Variants in PLCXD3 observed in about 807,000 individuals in gnomAD.
PLCXD3 encodes the protein PI-PLC X domain-containing protein 3.
In PLCXD3, 19 loss-of-function variants were observed where a neutral mutation model predicts 25.5. That is an observed-to-expected ratio of 0.75 (90% CI 0.52 to 1.09). The LOEUF is 1.09. Among genes scored for constraint, PLCXD3 ranks in the 50% least tolerant of loss-of-function variants. The probability of loss-of-function intolerance (pLI) is 0.00; values close to 1 mark genes in which losing one functional copy is unlikely to be tolerated. For synonymous variants in PLCXD3, 174 were observed against 137.6 expected (o/e 1.26, Z -1.85); for missense variants, 411 against 388.1 (o/e 1.06, Z -0.50).
intron 1 of PLCXD3, among the ~76,000 whole-genome samples, chr5:41,489,630 T>C (rs1228395640): frequency 1.3e-5 from 2 of 151,742 alleles, no homozygotes; most frequent in Admixed American, 6.6e-5. Context: ...TAGTTCTCCT[T>C]GAAGAGGTCC....
intron 1 of PLCXD3, among the ~76,000 whole-genome samples, chr5:41,450,753 G>T (rs1384403336): frequency 6.6e-6 from 1 of 152,052 alleles, no homozygotes; most frequent in Non-Finnish European, 1.5e-5. Flanking sequence ...CCACCTGCAG[G>T]TCCTTCTCCA....
At chr5:41,481,641 T>G (rs1206276746) in intron 1 of PLCXD3, among the ~76,000 whole-genome samples, 1 of 152,096 alleles carries the variant, frequency 6.6e-6, no homozygotes, top group African/African-American at 2.4e-5. Flanking sequence ...AAATGGAAGG[T>G]GCAAGTAAAT....
chr5:41,392,950 A>G (rs999451679), intron 1 of PLCXD3, among the ~76,000 whole-genome samples: 1 of 152,214 alleles, frequency 6.6e-6, no homozygotes, highest in African/African-American at 2.4e-5. Flanking sequence ...ATCCTTTAAT[A>G]AAAGAATTAA....
chr5:41,381,921 C>A lies in PLCXD3; in HGVS notation c.717G>T (p.Lys239Asn), dbSNP rs754042858. 1 of 1,613,370 alleles carries A rather than the reference C, an allele frequency of 6.2e-7. No individual in the cohort carries two copies. Among genetic ancestry groups the A allele is most frequent in the Non-Finnish European group, 8.5e-7 (1 of 1,179,676 alleles). The change falls in exon 2 of 3, where the codon AAG (lysine) becomes AAT (asparagine). Residue 239 changes from lysine (K) to asparagine (N), a missense_variant. Coordinates refer to ENST00000377801, the MANE Select transcript of PLCXD3 (RefSeq NM_001005473.3). ...CCACCTGAGATATAAAAAACGATCC[C>A]TTCTTTCTTCTCTCAGTGATGGATG... Reference protein sequence around the residue: ...LQASITERRKKGSFFISQVVL... With the variant: ...LQASITERRKNGSFFISQVVL...
intron 1 of PLCXD3, among the ~76,000 whole-genome samples, chr5:41,418,313 C>CT (rs1170473116): frequency 2.6e-5 from 4 of 152,096 alleles, no homozygotes; most frequent in Admixed American, 2.6e-4. Flanking sequence ...GCTTCAAAGA[C>CT]TTTTTTCTTC....
chr5:41,499,609 C>A (rs906463290), intron 1 of PLCXD3, among the ~76,000 whole-genome samples: 1 of 151,646 alleles, frequency 6.6e-6, no homozygotes, highest in African/African-American at 2.4e-5. Context: ...TTATCAAAAC[C>A]TGCTGGCCTT....
intron 2 of PLCXD3, among the ~76,000 whole-genome samples, chr5:41,381,542 C>T (rs1254290121): frequency 6.6e-6 from 1 of 152,022 alleles, no homozygotes; most frequent in African/African-American, 2.4e-5. Context: ...AACACTCAGG[C>T]TTCCCAGCCA....
intron 1 of PLCXD3, among the ~76,000 whole-genome samples, chr5:41,405,726 C>T (rs1174013083): frequency 1.3e-5 from 2 of 152,094 alleles, no homozygotes; most frequent in Non-Finnish European, 2.9e-5. Flanking sequence ...CCACTAATAA[C>T]ATTTTTTACC....
intron 1 of PLCXD3, among the ~76,000 whole-genome samples, chr5:41,477,801 T>C (rs1748314284): frequency 6.6e-6 from 1 of 152,218 alleles, no homozygotes; most frequent in South Asian, 2.1e-4. Flanking sequence ...GCAACTGACC[T>C]AATTTGTAAA....
At chr5:41,505,061 T>A (rs191925018) in intron 1 of PLCXD3, among the ~76,000 whole-genome samples, 2 of 152,338 alleles carry the variant, frequency 1.3e-5, no homozygotes, top group African/African-American at 4.8e-5. Flanking sequence ...TTCTTTATAA[T>A]TTGCTCTTTC....
intron 1 of PLCXD3, among the ~76,000 whole-genome samples, chr5:41,476,884 C>T (rs372738615): frequency 1.6e-4 from 24 of 152,232 alleles, no homozygotes; most frequent in Middle Eastern, 3.4e-3. Context: ...CTTTTATAGG[C>T]GTCAAGAATG....
intron 1 of PLCXD3, among the ~76,000 whole-genome samples, chr5:41,441,986 C>T (rs989956318): frequency 7.2e-5 from 11 of 152,160 alleles, no homozygotes; most frequent in African/African-American, 2.7e-4. Context: ...TTTGTAAAAG[C>T]AAAATTTAGA....
chr5:41,462,078 G>T (rs943454699), intron 1 of PLCXD3, among the ~76,000 whole-genome samples: 1 of 152,026 alleles, frequency 6.6e-6, no homozygotes, highest in Non-Finnish European at 1.5e-5. Flanking sequence ...AATCTAGGCA[G>T]CAGATGTCAT....
At chr5:41,380,599 C>T (rs948464891) in intron 2 of PLCXD3, among the ~76,000 whole-genome samples, 9 of 152,102 alleles carry the variant, frequency 5.9e-5, no homozygotes, top group African/African-American at 2.2e-4. Context: ...GCTTTATCTC[C>T]TTTCATTCCC....
At chr5:41,437,216 T>C (rs942350056) in intron 1 of PLCXD3, among the ~76,000 whole-genome samples, 3 of 152,150 alleles carry the variant, frequency 2.0e-5, no homozygotes, top group Non-Finnish European at 4.4e-5. Flanking sequence ...TGACAAGACA[T>C]CATACATGAA....
At chr5:41,505,498 A>G (rs1222102226) in intron 1 of PLCXD3, among the ~76,000 whole-genome samples, 2 of 152,238 alleles carry the variant, frequency 1.3e-5, no homozygotes, top group Non-Finnish European at 2.9e-5. Context: ...CTCGATAACA[A>G]TATTGCAAAG....
intron 1 of PLCXD3, among the ~76,000 whole-genome samples, chr5:41,473,196 A>C (rs545430396): frequency 5.9e-5 from 9 of 152,266 alleles, no homozygotes; most frequent in Admixed American, 1.3e-4. Flanking sequence ...CCATAGGCAG[A>C]TAATTGAGGA....
At chr5:41,502,779 A>T (rs1748978994) in intron 1 of PLCXD3, among the ~76,000 whole-genome samples, 1 of 152,168 alleles carries the variant, frequency 6.6e-6, no homozygotes, top group Non-Finnish European at 1.5e-5. Flanking sequence ...GGGGTTTTCC[A>T]GGTACGTAGG....
chr5:41,405,819 G>C (rs1223453008), intron 1 of PLCXD3, among the ~76,000 whole-genome samples: 3 of 151,946 alleles, frequency 2.0e-5, no homozygotes, highest in Non-Finnish European at 4.4e-5. Flanking sequence ...CAAATTCTCA[G>C]ATTAGTCTAC....
Sources: allele counts gnomAD v4.1 joint callset (sites outside exome capture counted in the v4.1 genomes callset), GRCh38; gene constraint gnomAD v4.1.1; transcripts MANE v1.5; gene names NCBI Gene and HGNC (gene_info 2026-07-23, HGNC 2026-07-21).